Variants in ARHGEF38 observed in about 807,000 individuals in gnomAD.
ARHGEF38 encodes the protein Rho guanine nucleotide exchange factor (GEF) 38.
In ARHGEF38, 79 loss-of-function variants were observed where a neutral mutation model predicts 79.9. The ratio of observed to expected loss-of-function variants is 0.99; its 90% confidence interval spans 0.82 to 1.19. The LOEUF (loss-of-function observed/expected upper bound fraction) is 1.19, where lower values mean the gene tolerates loss of function less well. Ranked by LOEUF, ARHGEF38 falls within the 50% of genes most tolerant of loss-of-function variation. ARHGEF38 has a pLI of 0.00. For missense variants in ARHGEF38, 962 were observed against 907.2 expected (o/e 1.06, Z -0.78); for synonymous variants, 366 against 328.3 (o/e 1.11, Z -1.24).
intron 9 of ARHGEF38, among the ~76,000 whole-genome samples, chr4:105,658,109 A>G (rs1218307399): frequency 6.6e-6 from 1 of 152,200 alleles, no homozygotes; most frequent in Non-Finnish European, 1.5e-5. Flanking sequence ...AAGTGTAAAC[A>G]ATTTAAGACA....
intron 1 of ARHGEF38, among the ~76,000 whole-genome samples, chr4:105,574,184 C>T (rs1726371581): frequency 6.6e-6 from 1 of 151,622 alleles, no homozygotes; most frequent in Non-Finnish European, 1.5e-5. Flanking sequence ...CTTTTTTTTC[C>T]ACTTTGGATG....
At chr4:105,671,539 G>T (rs1730958078) in intron 13 of ARHGEF38, among the ~76,000 whole-genome samples, 1 of 152,148 alleles carries the variant, frequency 6.6e-6, no homozygotes, top group East Asian at 1.9e-4. Flanking sequence ...CCTAATCCTT[G>T]CCCCAGGGCC....
chr4:105,663,718 C>A (rs1161249607), intron 10 of ARHGEF38, among the ~76,000 whole-genome samples: 3 of 152,092 alleles, frequency 2.0e-5, no homozygotes, highest in Admixed American at 1.3e-4. Context: ...GCCTGTAATC[C>A]CAGCACTTTG....
At chr4:105,561,464 A>AGAATAGAATAGAATAGAATG in intron 1 of ARHGEF38, 1 of 44,604 alleles carries the variant, frequency 2.2e-5, no homozygotes, top group South Asian at 7.9e-4. Context: ...AGAATAGAAT[A>AGAATAGAATAGAATAGAATG]GAATAGAATA....
chr4:105,561,212 A>C lies in ARHGEF38; in HGVS notation c.196+8251A>C, dbSNP rs1436825448. Among the ~76,000 whole-genome samples the C allele has an allele frequency of 2.0e-5, 3 of 151,760 alleles. No homozygotes were observed. The East Asian group carries it at 5.8e-4, about 29-fold the overall frequency. Reference sequence around the variant, plus strand: ...AGACCAGTCTGTGCAACATGGTGAGACCCTGTCTCTACTAAGAAAACAAAA... The same window carrying C: ...AGACCAGTCTGTGCAACATGGTGAGCCCCTGTCTCTACTAAGAAAACAAAA... On this transcript the variant is annotated intron_variant, in intron 1 of 13. Transcript: ENST00000420470.
chr4:105,616,629 CA>C (rs1325327961), intron 3 of ARHGEF38, among the ~76,000 whole-genome samples: 1 of 152,086 alleles, frequency 6.6e-6, no homozygotes, highest in African/African-American at 2.4e-5. Context: ...TGAGACTTGG[CA>C]GGGGGGACAC....
rs1560684419 is a variant in ARHGEF38 at position 105,561,439 on chromosome 4, A to AATGGAATG, written c.196+8478_196+8479insATGGAATG. On this transcript the variant is annotated intron_variant, in intron 1 of 13. Coordinates refer to ENST00000420470, the MANE Select transcript of ARHGEF38 (RefSeq NM_001242729.2). The stretch of plus-strand genomic sequence containing the variant: ...AGAATAGAATGGAATAGAATAGAAT[A>AATGGAATG]GAATAGAATGGAATAGAATAGAATA... 1.5e-3 allele frequency among the ~76,000 whole-genome samples: 65 copies of AATGGAATG among 44,642 alleles called. 1 individual carries two copies. The highest frequency in any genetic ancestry group is 2.9e-3 in the African/African-American group (29 of 10,062). 29.3% of individuals were successfully genotyped at this position (44,642 alleles called of 152,430 possible). A position where few individuals can be genotyped will look rare whatever the true frequency, so the allele number is the denominator to read the frequency against.
intron 1 of ARHGEF38, among the ~76,000 whole-genome samples, chr4:105,573,670 ATTC>A (rs955047495): frequency 2.0e-5 from 3 of 151,678 alleles, no homozygotes; most frequent in African/African-American, 7.3e-5. Flanking sequence ...CTCCAGCTTT[ATTC>A]TTCTTTTTCA....
Position 105,667,229 on chromosome 4 carries a change from A to G in ARHGEF38, c.1790A>G (p.Gln597Arg), listed in dbSNP as rs1318693209. The change falls in exon 12 of 14, where the codon CAA becomes CGA. Residue 597 changes from glutamine (Q) to arginine (R), a missense_variant. Gln to Arg is a conservative substitution (Grantham distance 43, BLOSUM62 1). Transcript: ENST00000420470. ...YQAKRKCNAT[Q>R]EYDINLLEGD... ...GCTAAGCGCAAGTGCAATGCTACAC[A>G]AGAATATGACATCAATCTTCTGGAA... is the stretch of plus-strand genomic sequence containing the variant. The G allele has an allele frequency of 5.2e-6, 8 of 1,536,180 alleles. No individual in the cohort carries two copies. Among genetic ancestry groups the G allele is most frequent in the Non-Finnish European group, 7.0e-6 (8 of 1,146,926 alleles).
At chr4:105,650,285 C>A (rs1232774846) in intron 7 of ARHGEF38, among the ~76,000 whole-genome samples, 2 of 152,146 alleles carry the variant, frequency 1.3e-5, no homozygotes, top group African/African-American at 4.8e-5. Flanking sequence ...CCTTCTAGGG[C>A]TAGCCAATTC....
At chr4:105,603,182 G>A (rs918837302) in intron 2 of ARHGEF38, among the ~76,000 whole-genome samples, 1 of 152,094 alleles carries the variant, frequency 6.6e-6, no homozygotes, top group Non-Finnish European at 1.5e-5. Context: ...CTTATTAGGA[G>A]CCAAGCATTA....
At chr4:105,658,498 A>G (rs1578355254) in intron 9 of ARHGEF38, among the ~76,000 whole-genome samples, 1 of 152,182 alleles carries the variant, frequency 6.6e-6, no homozygotes, top group African/African-American at 2.4e-5. Context: ...CTATCTGTAT[A>G]GGGGATATAA....
chr4:105,585,130 G>A (rs998481741), intron 1 of ARHGEF38, among the ~76,000 whole-genome samples: 4 of 151,928 alleles, frequency 2.6e-5, no homozygotes, highest in Admixed American at 6.6e-5. Context: ...GTTTGCTCTA[G>A]ATGGTGGAAG....
At chr4:105,604,512 T>G (rs752226558) in intron 2 of ARHGEF38, among the ~76,000 whole-genome samples, 1 of 152,150 alleles carries the variant, frequency 6.6e-6, no homozygotes. Context: ...CATTTCCTCA[T>G]TTTTCAAATT....
intron 3 of ARHGEF38, among the ~76,000 whole-genome samples, chr4:105,616,266 GT>G (rs1332973119): frequency 6.6e-6 from 1 of 152,060 alleles, no homozygotes; most frequent in Non-Finnish European, 1.5e-5. Context: ...ATATATTCAT[GT>G]TTGTATTAGT....
intron 1 of ARHGEF38, among the ~76,000 whole-genome samples, chr4:105,583,916 C>G (rs748822617): frequency 1.3e-5 from 2 of 152,054 alleles, no homozygotes; most frequent in African/African-American, 2.4e-5. Flanking sequence ...ATTGATGTCT[C>G]TTTCTTTGGA....
At chr4:105,559,312 T>C (rs1725405035) in intron 1 of ARHGEF38, among the ~76,000 whole-genome samples, 1 of 152,154 alleles carries the variant, frequency 6.6e-6, no homozygotes. Flanking sequence ...AACATTTGCT[T>C]GGACCGCTTC....
intron 13 of ARHGEF38, among the ~76,000 whole-genome samples, chr4:105,672,470 T>C (rs1191143298): frequency 1.3e-5 from 2 of 152,226 alleles, no homozygotes; most frequent in East Asian, 3.8e-4. Context: ...TTTTAAGTTC[T>C]TCATTTTGTT....
At chr4:105,656,324 A>T (rs964310361) in intron 9 of ARHGEF38, among the ~76,000 whole-genome samples, 10 of 152,114 alleles carry the variant, frequency 6.6e-5, no homozygotes, top group Non-Finnish European at 1.3e-4. Context: ...AAGTCTCTGG[A>T]AATGCCTTGA....
Sources: allele counts gnomAD v4.1 joint callset (sites outside exome capture counted in the v4.1 genomes callset), GRCh38; gene constraint gnomAD v4.1.1; transcripts MANE v1.5; gene names NCBI Gene and HGNC (gene_info 2026-07-23, HGNC 2026-07-21).